The following SPIDR variants were observed in gnomAD, a reference collection of about 807,000 sequenced individuals.
SPIDR encodes DNA repair-scaffolding protein.
A neutral mutation model predicts 104.6 loss-of-function variants in SPIDR; 93 were observed. That is an observed-to-expected ratio of 0.89 (90% CI 0.75 to 1.06). SPIDR has a LOEUF of 1.06. Among genes scored for constraint, SPIDR ranks in the 50% least tolerant of loss-of-function variants. The pLI is 0.00. For synonymous variants in SPIDR, 431 were observed against 416.9 expected (o/e 1.03, Z -0.41); for missense variants, 1,154 against 1,111.2 (o/e 1.04, Z -0.55).
intron 10 of SPIDR, among the ~76,000 whole-genome samples, chr8:47,667,272 C>T (rs1446924983): frequency 6.6e-6 from 1 of 151,802 alleles, no homozygotes; most frequent in Non-Finnish European, 1.5e-5. Context: ...CAGAGGGAGA[C>T]TCGGTCTCAA....
At chr8:47,632,100 G>A (rs1196336111) in intron 10 of SPIDR, among the ~76,000 whole-genome samples, 1 of 152,106 alleles carries the variant, frequency 6.6e-6, no homozygotes, top group African/African-American at 2.4e-5. Context: ...AAATGGCAGG[G>A]GGAAGGGTGG....
chr8:47,642,995 C>T (rs1176854891), intron 10 of SPIDR, among the ~76,000 whole-genome samples: 1 of 152,178 alleles, frequency 6.6e-6, no homozygotes, highest in African/African-American at 2.4e-5. Context: ...CTTAATCATA[C>T]ATATGGATTC....
intron 10 of SPIDR, among the ~76,000 whole-genome samples, chr8:47,659,155 G>C (rs2073561860): frequency 6.6e-6 from 1 of 152,056 alleles, no homozygotes; most frequent in Non-Finnish European, 1.5e-5. Context: ...AGCTACTCTG[G>C]AGGCTGAGGT....
intron 8 of SPIDR, among the ~76,000 whole-genome samples, chr8:47,590,330 A>G (rs2060853618): frequency 6.6e-6 from 1 of 152,040 alleles, no homozygotes; most frequent in Non-Finnish European, 1.5e-5. Context: ...TCTCAGTATC[A>G]CTTCAGCTGT....
intron 8 of SPIDR, among the ~76,000 whole-genome samples, chr8:47,497,055 T>C (rs1244250503): frequency 6.6e-6 from 1 of 152,088 alleles, no homozygotes; most frequent in African/African-American, 2.4e-5. Context: ...TTGGTAGTGC[T>C]TCCTCTCTTT....
chr8:47,529,605 A>G (rs1188109139), intron 8 of SPIDR, among the ~76,000 whole-genome samples: 1 of 152,138 alleles, frequency 6.6e-6, no homozygotes, highest in Non-Finnish European at 1.5e-5. Context: ...AAATTATTCA[A>G]AAGGAAGGAA....
chr8:47,284,161 A>T (rs2038352562), intron 3 of SPIDR, 67 bp downstream of exon 3: 3 of 1,368,492 alleles, frequency 2.2e-6, no homozygotes, highest in Non-Finnish European at 3.0e-6. Context: ...TGATTATTTT[A>T]AAAATTTGCT....
At chr8:47,657,817 C>A (rs2073132887) in intron 10 of SPIDR, among the ~76,000 whole-genome samples, 1 of 151,722 alleles carries the variant, frequency 6.6e-6, no homozygotes, top group South Asian at 2.1e-4. Flanking sequence ...ATCCCTTGAG[C>A]CCATGAGTTC....
chr8:47,279,036 G>A (rs1018906348), intron 1 of SPIDR, among the ~76,000 whole-genome samples: 1 of 151,504 alleles, frequency 6.6e-6, no homozygotes, highest in South Asian at 2.1e-4. Flanking sequence ...ACAGTCGTGT[G>A]CCACCATGCC....
chr8:47,312,604 T>C (rs587691755), intron 5 of SPIDR, among the ~76,000 whole-genome samples: 1 of 152,342 alleles, frequency 6.6e-6, no homozygotes, highest in East Asian at 1.9e-4. Flanking sequence ...GAGTTCATTG[T>C]AGATTCTGGA....
chr8:47,293,893 A>AT lies in SPIDR; in HGVS notation c.390dup (p.Asp131Ter). The AT allele has an allele frequency of 6.2e-7, 1 of 1,611,840 alleles. No individual in the cohort carries two copies. The highest frequency in any genetic ancestry group is 8.5e-7 in the Non-Finnish European group (1 of 1,179,148). On this transcript the variant is annotated frameshift_variant, in exon 5 of 20. Coordinates refer to ENST00000297423, the MANE Select transcript of SPIDR (RefSeq NM_001080394.4). LOFTEE classifies it high-confidence loss of function. The stretch of plus-strand genomic sequence containing the variant: ...TGAATTACAGTTTATCGACTGGGAG[A>AT]TTGACAGTGACAGGGCAGAGGCTAG...
chr8:47,413,743 A>G (rs1057247075), intron 7 of SPIDR, among the ~76,000 whole-genome samples: 21 of 152,336 alleles, frequency 1.4e-4, no homozygotes, highest in African/African-American at 4.8e-4. Context: ...GGTGGGTACA[A>G]TGCTGAAGGC....
chr8:47,626,184 T>A (rs1016703014), intron 10 of SPIDR, among the ~76,000 whole-genome samples: 3 of 152,180 alleles, frequency 2.0e-5, no homozygotes, highest in African/African-American at 7.2e-5. Context: ...TGGCTAGCCA[T>A]ATGTAGAAAG....
intron 9 of SPIDR, 75 bp downstream of exon 9, chr8:47,596,081 A>G: frequency 7.3e-7 from 1 of 1,363,672 alleles, no homozygotes; most frequent in East Asian, 2.4e-5. Flanking sequence ...CTTCAGTGTA[A>G]GTGAAGATGT....
intron 5 of SPIDR, among the ~76,000 whole-genome samples, chr8:47,393,311 T>C (rs1554653708): frequency 6.6e-6 from 1 of 152,212 alleles, no homozygotes; most frequent in African/African-American, 2.4e-5. Flanking sequence ...CTATTCCCAC[T>C]ACCTCTCAGA....
chr8:47,662,231 A>T (rs1250626724), intron 10 of SPIDR, among the ~76,000 whole-genome samples: 2 of 152,138 alleles, frequency 1.3e-5, no homozygotes, highest in East Asian at 3.9e-4. Context: ...GCATCTGAGG[A>T]CTGGGACCAG....
At chr8:47,649,245 G>A (rs2071142574) in intron 10 of SPIDR, among the ~76,000 whole-genome samples, 1 of 150,982 alleles carries the variant, frequency 6.6e-6, no homozygotes, top group African/African-American at 2.4e-5. Context: ...CATAGAAAGA[G>A]CCTGTCAAGA....
At chr8:47,647,639 AGAGAGAGAGAGAGAGG>A (rs1339631209) in intron 10 of SPIDR, among the ~76,000 whole-genome samples, 5 of 147,862 alleles carry the variant, frequency 3.4e-5, no homozygotes, top group African/African-American at 1.2e-4. Flanking sequence ...AGAGAGAGAG[AGAGAGAGAGAGAGAGG>A]GAGAGAGAGA....
intron 8 of SPIDR, among the ~76,000 whole-genome samples, chr8:47,500,365 G>A (rs1223472468): frequency 6.6e-6 from 1 of 152,140 alleles, no homozygotes; most frequent in Non-Finnish European, 1.5e-5. Flanking sequence ...TCTCATTGTG[G>A]TTTTGATTTG....
Sources: allele counts gnomAD v4.1 joint callset (sites outside exome capture counted in the v4.1 genomes callset), GRCh38; gene constraint gnomAD v4.1.1; transcripts MANE v1.5; gene names NCBI Gene and HGNC (gene_info 2026-07-23, HGNC 2026-07-21).